ATP13A4: variants seen among roughly 807,000 people sequenced by gnomAD.
ATP13A4 encodes probable cation-transporting ATPase 13A4.
Under a neutral mutation model 142.5 loss-of-function variants are expected in ATP13A4, and 114 were observed. The observed-to-expected ratio is 0.80, with a 90% CI of 0.69 to 0.93. ATP13A4 has a LOEUF of 0.93. ATP13A4 is among the 40% of genes least tolerant of loss of function. The pLI is 0.00. For synonymous variants in ATP13A4, 488 were observed against 514.8 expected, an observed-to-expected ratio of 0.95 and a Z score of 0.70; for missense variants, 1,392 against 1,454.0, an observed-to-expected ratio of 0.96 and a Z score of 0.69.
Position 193,492,994 on chromosome 3 carries a change from A to C in ATP13A4, c.456T>G (p.Ser152=), listed in dbSNP as rs776731078. 15 of 1,609,400 alleles carry C rather than the reference A, an allele frequency of 9.3e-6. No individual in the cohort carries two copies. The highest frequency in any genetic ancestry group is 1.3e-5 in the Non-Finnish European group (15 of 1,176,538). The change falls in exon 5 of 30, where the codon TCT becomes TCG. Residue 152 remains serine (S), a synonymous_variant. Coordinates refer to ENST00000342695, the MANE Select transcript of ATP13A4 (RefSeq NM_032279.4). ...YLEGQFQKIG[S]LEDWLSSAKI... ...TGGCAGAACTAAGCCAGTCTTCCAA[A>C]GAACTAAAATAATAATAATGAAAAG...
intron 7 of ATP13A4, among the ~76,000 whole-genome samples, chr3:193,487,453 A>C (rs1220644458): frequency 1.3e-5 from 2 of 152,216 alleles, no homozygotes; most frequent in African/African-American, 4.8e-5. Flanking sequence ...ACACTTATCT[A>C]CTGTTGTAAG....
At chr3:193,439,449 CATT>C (rs1716496509) in intron 21 of ATP13A4, among the ~76,000 whole-genome samples, 1 of 152,084 alleles carries the variant, frequency 6.6e-6, no homozygotes, top group African/African-American at 2.4e-5. Context: ...TTATTCCCAT[CATT>C]ATTATTATTT....
At chr3:193,560,123 G>A (rs1723983572) in intron 2 of ATP13A4, among the ~76,000 whole-genome samples, 1 of 152,112 alleles carries the variant, frequency 6.6e-6, no homozygotes, top group Non-Finnish European at 1.5e-5. Flanking sequence ...GGATGACTGT[G>A]TAACGATTTG....
chr3:193,484,278 C>G (rs1004381064), intron 7 of ATP13A4, among the ~76,000 whole-genome samples: 13 of 151,466 alleles, frequency 8.6e-5, no homozygotes, highest in African/African-American at 2.9e-4. Flanking sequence ...ACACTGAACT[C>G]CAGCCTGGGC....
chr3:193,549,070 A>C (rs916833726), intron 1 of ATP13A4, among the ~76,000 whole-genome samples: 3 of 152,164 alleles, frequency 2.0e-5, no homozygotes, highest in Non-Finnish European at 4.4e-5. Flanking sequence ...AAGACTGATA[A>C]TTTTCAATGT....
intron 1 of ATP13A4, among the ~76,000 whole-genome samples, chr3:193,591,115 G>A (rs959105786): frequency 6.6e-6 from 1 of 152,214 alleles, no homozygotes; most frequent in African/African-American, 2.4e-5. Context: ...TCAGGCTGGA[G>A]TGCAGTGGCA....
At chr3:193,449,319 C>G (rs545848080) in intron 17 of ATP13A4, among the ~76,000 whole-genome samples, 1 of 152,314 alleles carries the variant, frequency 6.6e-6, no homozygotes, top group African/African-American at 2.4e-5. Context: ...AGATCGAGAA[C>G]AAGACACCAG....
At chr3:193,469,972 G>A (rs574256622) in intron 9 of ATP13A4, among the ~76,000 whole-genome samples, 12 of 152,112 alleles carry the variant, frequency 7.9e-5, no homozygotes, top group Non-Finnish European at 1.8e-4. Flanking sequence ...CATGGTCTGC[G>A]ACACATCTAT....
At chr3:193,472,503 C>T (rs768031001) in intron 8 of ATP13A4, among the ~76,000 whole-genome samples, 5 of 152,138 alleles carry the variant, frequency 3.3e-5, no homozygotes, top group Admixed American at 6.5e-5. Flanking sequence ...TGAACGTTCT[C>T]GACTTAAAGA....
intron 1 of ATP13A4, among the ~76,000 whole-genome samples, chr3:193,583,808 G>C (rs1724618445): frequency 6.6e-6 from 1 of 152,062 alleles, no homozygotes; most frequent in African/African-American, 2.4e-5. Flanking sequence ...TTAAAAAGCA[G>C]GAAAAGGCAA....
intron 25 of ATP13A4, among the ~76,000 whole-genome samples, chr3:193,423,725 T>C (rs1715511611): frequency 6.7e-6 from 1 of 149,758 alleles, no homozygotes; most frequent in African/African-American, 2.4e-5. Context: ...CACATCATAC[T>C]AACGGGGAAA....
chr3:193,493,576 T>C (rs1296179252), intron 3 of ATP13A4, among the ~76,000 whole-genome samples: 2 of 152,070 alleles, frequency 1.3e-5, no homozygotes, highest in South Asian at 2.1e-4. Flanking sequence ...GGCATCATGA[T>C]GGAGATGATG....
intron 1 of ATP13A4, among the ~76,000 whole-genome samples, chr3:193,528,149 T>C (rs562758494): frequency 6.6e-6 from 1 of 152,212 alleles, no homozygotes; most frequent in Non-Finnish European, 1.5e-5. Flanking sequence ...GCAGACTACC[T>C]GCTTAAGAAC....
intron 2 of ATP13A4, among the ~76,000 whole-genome samples, chr3:193,578,163 G>A (rs948144153): frequency 6.6e-6 from 1 of 152,002 alleles, no homozygotes; most frequent in African/African-American, 2.4e-5. Context: ...GTATGATGGT[G>A]TGTGCTGTAA....
intron 3 of ATP13A4, among the ~76,000 whole-genome samples, chr3:193,494,006 C>T (rs1226771549): frequency 6.6e-6 from 1 of 151,950 alleles, no homozygotes; most frequent in Non-Finnish European, 1.5e-5. Context: ...AGATAAGATA[C>T]ACTTTAAATG....
chr3:193,476,403 T>C (rs567295104), intron 8 of ATP13A4, among the ~76,000 whole-genome samples: 2 of 152,216 alleles, frequency 1.3e-5, no homozygotes, highest in East Asian at 1.9e-4. Context: ...TGACTCTGGA[T>C]TGGGCTTTGC....
At chr3:193,554,946 T>G, upstream of ATP13A4, 2 of 1,588,274 alleles carry the variant, frequency 1.3e-6, no homozygotes, top group Admixed American at 1.7e-5. Context: ...GCACACACCT[T>G]CTCTCAACAA....
intron 1 of ATP13A4, among the ~76,000 whole-genome samples, chr3:193,541,682 A>T (rs980965405): frequency 6.6e-6 from 1 of 152,108 alleles, no homozygotes; most frequent in Non-Finnish European, 1.5e-5. Context: ...GGCAAACTAC[A>T]CCCTTCACTA....
At chr3:193,533,776 T>C (rs1229080749) in intron 1 of ATP13A4, among the ~76,000 whole-genome samples, 1 of 152,092 alleles carries the variant, frequency 6.6e-6, no homozygotes, top group Non-Finnish European at 1.5e-5. Flanking sequence ...TGTAATGAGG[T>C]CTTTCAACCT....
Sources: allele counts gnomAD v4.1 joint callset (sites outside exome capture counted in the v4.1 genomes callset), GRCh38; gene constraint gnomAD v4.1.1; transcripts MANE v1.5; gene names NCBI Gene and HGNC (gene_info 2026-07-23, HGNC 2026-07-21).